Variants in PDE3B observed in about 807,000 individuals in gnomAD.
The protein encoded by PDE3B is phosphodiesterase 3B.
Under a neutral mutation model 116.8 loss-of-function variants are expected in PDE3B, and 66 were observed. That is an observed-to-expected ratio of 0.56 (90% CI 0.46 to 0.69). The LOEUF (loss-of-function observed/expected upper bound fraction) is 0.69. Ranked by LOEUF, PDE3B falls within the 30% of genes least tolerant of loss-of-function variation. The pLI is 0.00. For missense variants in PDE3B, 1,384 were observed against 1,368.1 expected (o/e 1.01, Z -0.18); for synonymous variants, 595 against 533.6 (o/e 1.12, Z -1.59).
intron 1 of PDE3B, among the ~76,000 whole-genome samples, chr11:14,771,712 T>A (rs1425153850): frequency 1.3e-5 from 2 of 151,894 alleles, no homozygotes; most frequent in East Asian, 1.9e-4. Flanking sequence ...TAATATGGCT[T>A]GTTTTAGTTA....
chr11:14,698,439 G>A (rs1365131863), intron 1 of PDE3B, among the ~76,000 whole-genome samples: 1 of 151,848 alleles, frequency 6.6e-6, no homozygotes, highest in African/African-American at 2.4e-5. Flanking sequence ...AACCAACACT[G>A]TATTCTTGGA....
chr11:14,658,875 CTTAT>C (rs1305226804), intron 1 of PDE3B, among the ~76,000 whole-genome samples: 6 of 152,108 alleles, frequency 3.9e-5, no homozygotes, highest in Non-Finnish European at 4.4e-5. Flanking sequence ...GGGACAGTAT[CTTAT>C]TTATTTATGT....
Position 14,644,082 on chromosome 11 carries a change from A to C in PDE3B, c.7A>C (p.Arg3=), listed in dbSNP as rs749895942. MR[R]DERDAKAMRS... ...GCCACCCCCGGCCCCAGCCATGAGGAGGGACGAGCGAGACGCCAAAGCCAT... is the reference window on the plus strand; with the variant it reads ...GCCACCCCCGGCCCCAGCCATGAGGCGGGACGAGCGAGACGCCAAAGCCAT... Residue 3 remains arginine (R), a synonymous_variant, in exon 1 of 16, where the codon AGG becomes CGG. Transcript: ENST00000282096. The C allele has an allele frequency of 3.9e-6, 6 of 1,541,190 alleles. No homozygotes were observed. The South Asian group carries it at 5.9e-5, about 15-fold the overall frequency.
chr11:14,864,573 G>A (rs1003740544), intron 14 of PDE3B, among the ~76,000 whole-genome samples: 1 of 152,150 alleles, frequency 6.6e-6, no homozygotes, highest in Admixed American at 6.5e-5. Flanking sequence ...CTCAGCAAAT[G>A]TAAAAGAATG....
intron 1 of PDE3B, among the ~76,000 whole-genome samples, chr11:14,700,230 T>G (rs1855323942): frequency 6.6e-6 from 1 of 151,700 alleles, no homozygotes; most frequent in South Asian, 2.1e-4. Context: ...GAGTTTCATT[T>G]TGGTTTTTAT....
intron 2 of PDE3B, among the ~76,000 whole-genome samples, chr11:14,780,211 T>A (rs1032397986): frequency 2.0e-5 from 3 of 152,084 alleles, no homozygotes; most frequent in Non-Finnish European, 4.4e-5. Flanking sequence ...CACACAATAA[T>A]AATGGGAGAC....
At chr11:14,657,536 C>T (rs776584236) in intron 1 of PDE3B, among the ~76,000 whole-genome samples, 3 of 151,998 alleles carry the variant, frequency 2.0e-5, no homozygotes, top group African/African-American at 4.8e-5. Flanking sequence ...TTTTTCTTTA[C>T]GGGAAAATAC....
intron 7 of PDE3B, among the ~76,000 whole-genome samples, chr11:14,820,761 C>T (rs1475039369): frequency 6.6e-6 from 1 of 152,086 alleles, no homozygotes; most frequent in Non-Finnish European, 1.5e-5. Context: ...TCTTTCCCAC[C>T]GTGTGAGGAT....
chr11:14,702,584 G>A (rs550534712), intron 1 of PDE3B, among the ~76,000 whole-genome samples: 102 of 151,918 alleles, frequency 6.7e-4, no homozygotes, highest in African/African-American at 2.4e-3. Context: ...GAGACTTTCA[G>A]AGAGACTGTG....
chr11:14,644,137 G>C lies in PDE3B; in HGVS notation c.62G>C (p.Gly21Ala). The C allele has an allele frequency of 6.3e-7, 1 of 1,587,878 alleles. No individual in the cohort carries two copies. Among genetic ancestry groups the C allele is most frequent in the Non-Finnish European group, 8.5e-7 (1 of 1,175,248 alleles). Residue 21 changes from glycine (G) to alanine (A), a missense_variant, in exon 1 of 16, where the codon GGC becomes GCC. Gly to Ala is a moderately conservative substitution (Grantham distance 60). Transcript: ENST00000282096. ...MRSLQPPDGA[G>A]SPPESLRNGY... ...TCCCTGCAGCCGCCGGATGGGGCCG[G>C]CTCGCCCCCCGAGAGTCTGAGGAAC...
chr11:14,793,986 T>C (rs1352985741), intron 4 of PDE3B, among the ~76,000 whole-genome samples: 2 of 152,238 alleles, frequency 1.3e-5, no homozygotes, highest in Non-Finnish European at 2.9e-5. Context: ...TTATCAAGTT[T>C]ATACAACTGC....
chr11:14,891,028 C>A, the PDE3B span: 1 of 985,422 alleles, frequency 1.0e-6, no homozygotes, highest in South Asian at 4.7e-5. Context: ...GCTGTATCTG[C>A]CTTCTTCACC....
chr11:14,811,200 T>C (rs1403878035), intron 5 of PDE3B, among the ~76,000 whole-genome samples: 13 of 152,168 alleles, frequency 8.5e-5, no homozygotes, highest in East Asian at 5.8e-4. Flanking sequence ...ATTTTGGCTT[T>C]TGTTGCCATT....
intron 1 of PDE3B, among the ~76,000 whole-genome samples, chr11:14,747,568 G>C (rs1233842251): frequency 6.6e-6 from 1 of 152,120 alleles, no homozygotes; most frequent in Non-Finnish European, 1.5e-5. Context: ...TAGGGACAAA[G>C]GGAAGTGTAT....
At position 14,849,599 on chromosome 11, in the gene PDE3B, A is replaced by G. The variant is rs11023361; in HGVS notation, c.2520+5573A>G. Among the ~76,000 whole-genome samples, 29 of 152,306 alleles carry G rather than the reference A, an allele frequency of 1.9e-4. No individual in the cohort carries two copies. In the South Asian group the frequency reaches 2.9e-3, roughly 15 times the overall value. The stretch of plus-strand genomic sequence containing the variant: ...TCGCAACCTACTCATCTGACAAAGG[A>G]TTAATATCCAGAATCTACAATGAAC... On this transcript the variant is annotated intron_variant, in intron 12 of 15. Transcript: ENST00000282096.
intron 4 of PDE3B, among the ~76,000 whole-genome samples, chr11:14,802,176 G>A (rs187379148): frequency 6.6e-6 from 1 of 152,162 alleles, no homozygotes; most frequent in Non-Finnish European, 1.5e-5. Flanking sequence ...TGCCCCTGTG[G>A]TATGGAAAAA....
intron 1 of PDE3B, among the ~76,000 whole-genome samples, chr11:14,665,180 C>G (rs1306668279): frequency 6.6e-6 from 1 of 152,192 alleles, no homozygotes; most frequent in East Asian, 1.9e-4. Context: ...ATGATTATCT[C>G]AATAGATGCA....
Position 14,664,932 on chromosome 11 carries a change from C to G in PDE3B, c.978+19879C>G, listed in dbSNP as rs1426839995. Among the ~76,000 whole-genome samples, 3 of 152,162 alleles carry G rather than the reference C, an allele frequency of 2.0e-5. No individual in the cohort carries two copies. The East Asian group carries it at 5.8e-4, about 29-fold the overall frequency. ...ACTCATTTTATGAGACCAGCATCATCCTGATACCAAAGCCGGGCAGAGACA... is the reference window on the plus strand; with the variant it reads ...ACTCATTTTATGAGACCAGCATCATGCTGATACCAAAGCCGGGCAGAGACA... On this transcript the variant is annotated intron_variant, in intron 1 of 15. Coordinates refer to ENST00000282096, the MANE Select transcript of PDE3B (RefSeq NM_000922.4).
chr11:14,841,446 G>A (rs1253401149), intron 11 of PDE3B, among the ~76,000 whole-genome samples: 2 of 149,384 alleles, frequency 1.3e-5, no homozygotes, highest in Non-Finnish European at 3.0e-5. Context: ...GCCATTCACT[G>A]CAAAGAAGGC....
Sources: allele counts gnomAD v4.1 joint callset (sites outside exome capture counted in the v4.1 genomes callset), GRCh38; gene constraint gnomAD v4.1.1; transcripts MANE v1.5; gene names NCBI Gene and HGNC (gene_info 2026-07-23, HGNC 2026-07-21).